HYDIN: variants seen among roughly 807,000 people sequenced by gnomAD.
The protein encoded by HYDIN is HYDIN axonemal central pair apparatus protein, also known as axonemal central pair apparatus protein HYDIN.
HYDIN carries 132 observed loss-of-function variants against 403.9 expected under a neutral mutation model. The observed-to-expected ratio is 0.33, with a 90% CI of 0.28 to 0.38. The LOEUF is 0.38. Ranked by LOEUF, HYDIN falls within the 10% of genes least tolerant of loss-of-function variation. HYDIN has a pLI of 1.00. For synonymous variants in HYDIN, 1,202 were observed against 1,891.7 expected (o/e 0.64, Z 9.46); for missense variants, 2,827 against 5,009.5 (o/e 0.56, Z 13.15).
intron 80 of HYDIN, among the ~76,000 whole-genome samples, chr16:70,831,137 A>C (rs562947270): frequency 1.3e-5 from 2 of 151,748 alleles, no homozygotes; most frequent in South Asian, 4.2e-4. Context: ...AAACTGGCTG[A>C]AATCAACAAG....
chr16:71,037,166 C>T (rs1006994050), intron 18 of HYDIN, among the ~76,000 whole-genome samples: 24 of 150,232 alleles, frequency 1.6e-4, no homozygotes, highest in Admixed American at 1.6e-3. Flanking sequence ...TTGACTGTAC[C>T]TTCCATATAG....
intron 8 of HYDIN, among the ~76,000 whole-genome samples, chr16:71,136,448 AT>A (rs1280790209): frequency 6.6e-6 from 1 of 151,852 alleles, no homozygotes; most frequent in African/African-American, 2.4e-5. Flanking sequence ...AAAATAGATT[AT>A]TTTTAGGAAC....
chr16:71,042,819 C>A (rs183169407), intron 18 of HYDIN, among the ~76,000 whole-genome samples: 1 of 152,116 alleles, frequency 6.6e-6, no homozygotes, highest in Admixed American at 6.6e-5. Context: ...TTCTCCAACT[C>A]CCATCTGGAC....
chr16:71,223,303 A>T (rs2040882066), intron 1 of HYDIN, among the ~76,000 whole-genome samples: 2 of 152,200 alleles, frequency 1.3e-5, no homozygotes, highest in South Asian at 4.1e-4. Context: ...CCCATTTCTT[A>T]CCTTATAAAA....
At chr16:71,205,517 A>G (rs892149784) in intron 1 of HYDIN, among the ~76,000 whole-genome samples, 11 of 151,902 alleles carry the variant, frequency 7.2e-5, no homozygotes, top group African/African-American at 2.7e-4. Flanking sequence ...GTCCAAGGGG[A>G]CCCCCACAAG....
chr16:70,907,933 T>C (rs944723005), intron 49 of HYDIN, among the ~76,000 whole-genome samples: 5 of 152,022 alleles, frequency 3.3e-5, no homozygotes, highest in Non-Finnish European at 7.4e-5. Context: ...GAGTCACACA[T>C]GGTTTCTATA....
At chr16:71,076,110 G>T (rs2082620724) in intron 13 of HYDIN, 1 of 175,220 alleles carries the variant, frequency 5.7e-6, no homozygotes. Flanking sequence ...GGCTGCCATA[G>T]CAAAAGGCCA....
chr16:70,842,568 G>A (rs192835765), intron 75 of HYDIN, among the ~76,000 whole-genome samples: 47 of 152,104 alleles, frequency 3.1e-4, no homozygotes, highest in Admixed American at 1.5e-3. Flanking sequence ...CTATTTAAAT[G>A]CTATATCTTT....
intron 36 of HYDIN, among the ~76,000 whole-genome samples, chr16:70,968,754 C>T (rs2078656845): frequency 6.6e-6 from 1 of 152,180 alleles, no homozygotes; most frequent in Non-Finnish European, 1.5e-5. Flanking sequence ...ACTAAAAATC[C>T]TTCATCATAG....
chr16:71,169,416 G>C (rs2086373167), intron 5 of HYDIN, among the ~76,000 whole-genome samples: 1 of 152,106 alleles, frequency 6.6e-6, no homozygotes, highest in Non-Finnish European at 1.5e-5. Flanking sequence ...CTGGGCAACA[G>C]AGTGAGACTC....
rs934038158 is a variant in HYDIN at position 70,842,905 on chromosome 16, T to C, written c.12874-2672A>G. On this transcript the variant is annotated intron_variant, in intron 75 of 85. Coordinates refer to ENST00000393567, the MANE Select transcript of HYDIN (RefSeq NM_001270974.2). Reference sequence around the variant, plus strand: ...CATTTAAATTCCCTTGCCATTTGTTTTACTATATTCTTTTGAGTTGTTGTA... The same window carrying C: ...CATTTAAATTCCCTTGCCATTTGTTCTACTATATTCTTTTGAGTTGTTGTA... 1.1e-4 allele frequency among the ~76,000 whole-genome samples: 16 copies of C among 151,950 alleles called. 1 individual carries two copies. The highest frequency in any genetic ancestry group is 2.1e-4 in the Non-Finnish European group (14 of 67,896).
chr16:71,174,815 G>T (rs1297484806), intron 5 of HYDIN, among the ~76,000 whole-genome samples: 1 of 152,154 alleles, frequency 6.6e-6, no homozygotes, highest in Admixed American at 6.5e-5. Context: ...GTGAGCTGAT[G>T]GGGGTGAGCA....
chr16:71,230,438 G>T, intron 1 of HYDIN, 124 bp downstream of exon 1: 1 of 1,155,532 alleles, frequency 8.7e-7, no homozygotes, highest in Non-Finnish European at 1.2e-6. Context: ...GGAGGGGAGG[G>T]GTCTGGAAAG....
In HYDIN at chr16:70,896,337, G is replaced by A. The variant is rs1433472440; in HGVS notation, c.9049-257C>T. Among the ~76,000 whole-genome samples, 5 of 151,542 alleles carry A rather than the reference G, an allele frequency of 3.3e-5. 1 individual carries two copies. Among genetic ancestry groups the A allele is most frequent in the Non-Finnish European group, 7.4e-5 (5 of 67,942 alleles). On this transcript the variant is annotated intron_variant, in intron 53 of 85. Coordinates refer to ENST00000393567, the MANE Select transcript of HYDIN (RefSeq NM_001270974.2). ...GCTACATTACTGAAGTTTGGGCTTG[G>A]GGTAGACATTACAGGAAAGTGGTTT...
chr16:71,197,545 T>C (rs2087761837), intron 1 of HYDIN, among the ~76,000 whole-genome samples: 1 of 152,162 alleles, frequency 6.6e-6, no homozygotes, highest in South Asian at 2.1e-4. Context: ...GATTTTATTG[T>C]GAAATATAAT....
chr16:71,229,555 C>T (rs148369473), intron 1 of HYDIN, among the ~76,000 whole-genome samples: 13 of 152,220 alleles, frequency 8.5e-5, no homozygotes, highest in Non-Finnish European at 1.3e-4. Context: ...TAGAATAGTA[C>T]GCAGCAATGA....
rs1299739399 is a variant in HYDIN, at chr16:71,106,172, T to C, written c.1327+9524A>G. On this transcript the variant is annotated intron_variant, in intron 10 of 85. Coordinates refer to ENST00000393567, the MANE Select transcript of HYDIN (RefSeq NM_001270974.2). ...TTCATTTTCCTTCCCTCCCTCCCTC[T>C]CTCTCTCTCTCTCTCTCAATCTCCA... Among the ~76,000 whole-genome samples, 61 of 149,702 alleles carry C rather than the reference T, an allele frequency of 4.1e-4. No individual in the cohort carries two copies. In the South Asian group the frequency reaches 0.013, roughly 32 times the overall value.
chr16:71,173,960 C>A (rs898214834), intron 5 of HYDIN, among the ~76,000 whole-genome samples: 1 of 152,152 alleles, frequency 6.6e-6, no homozygotes, highest in African/African-American at 2.4e-5. Flanking sequence ...TTATAATCAG[C>A]TTCCTACAAA....
intron 23 of HYDIN, among the ~76,000 whole-genome samples, chr16:71,003,760 T>C (rs1298471875): frequency 6.6e-6 from 1 of 151,564 alleles, no homozygotes; most frequent in African/African-American, 2.4e-5. Context: ...GATCGCACCA[T>C]TGCACTCCAG....
Sources: gnomAD v4.1 joint callset for allele counts (sites outside exome capture counted in the v4.1 genomes callset) on GRCh38, gnomAD v4.1.1 for gene constraint, MANE v1.5 for transcripts, NCBI Gene and HGNC (gene_info 2026-07-23, HGNC 2026-07-21) for gene names.